DNAH1: variants seen among roughly 807,000 people sequenced by gnomAD.
DNAH1 encodes the protein dynein axonemal heavy chain 1, also known as axonemal beta dynein heavy chain 1.
A neutral mutation model predicts 484.3 loss-of-function variants in DNAH1; 327 were observed. That is an observed-to-expected ratio of 0.68 (90% CI 0.62 to 0.74). The LOEUF is 0.74. Among genes scored for constraint, DNAH1 ranks in the 30% least tolerant of loss-of-function variants. The pLI, the probability that DNAH1 is intolerant of heterozygous loss-of-function variation, is 0.00. For synonymous variants in DNAH1, 2,192 were observed against 2,191.9 expected (o/e 1.00, Z 0.00); for missense variants, 5,052 against 5,546.8 (o/e 0.91, Z 2.83).
At chr3:52,314,476 G>A (rs1212994361), upstream of DNAH1, among the ~76,000 whole-genome samples, 1 of 152,224 alleles carries the variant, frequency 6.6e-6, no homozygotes, top group African/African-American at 2.4e-5. Context: ...AACTGGGCTG[G>A]TGTCAACAGC....
intron 3 of DNAH1, among the ~76,000 whole-genome samples, chr3:52,325,405 A>C (rs1391169129): frequency 6.6e-6 from 1 of 152,142 alleles, no homozygotes; most frequent in Non-Finnish European, 1.5e-5. Context: ...GAGCCCACCC[A>C]GGCCCTGGGA....
At chr3:52,311,499 C>T (rs994820636), upstream of DNAH1, among the ~76,000 whole-genome samples, 4 of 152,120 alleles carry the variant, frequency 2.6e-5, no homozygotes, top group Non-Finnish European at 4.4e-5. Context: ...CAGTTCTGAG[C>T]ATGTGGCCAG....
chr3:52,368,123 C>T lies in DNAH1; in HGVS notation c.5766-618C>T, dbSNP rs980804382. 6.6e-6 allele frequency among the ~76,000 whole-genome samples: 1 copy of T among 152,146 alleles called. No homozygotes were observed. The highest frequency in any genetic ancestry group is 1.5e-5 in the Non-Finnish European group (1 of 68,034). On this transcript the variant is annotated intron_variant, in intron 36 of 77. Transcript: ENST00000420323. This position sits in a 1 kb window ranked among gnomAD's most constrained non-coding sequence, Gnocchi z 4.4. ...GATTCCAACTGAAGACAGGCCTCAG[C>T]GTAACCAGACATTGCCTGGGGGTGG... is the stretch of plus-strand genomic sequence containing the variant.
Position 52,383,878 on chromosome 3 carries a change from C to T in DNAH1, c.8169C>T (p.Phe2723=). 3.1e-6 allele frequency: 5 copies of T among 1,601,784 alleles called. No homozygotes were observed. Among genetic ancestry groups the T allele is most frequent in the Non-Finnish European group, 4.3e-6 (5 of 1,171,960 alleles). The part of the protein sequence containing the change: ...VLCMSPIGEV[F]RARLRQFPSL... Reference sequence around the variant, plus strand: ...TTTCCAGCCCCATCGGAGAGGTCTTCCGAGCTCGTCTGAGGCAGTTTCCCT... The same window carrying T: ...TTTCCAGCCCCATCGGAGAGGTCTTTCGAGCTCGTCTGAGGCAGTTTCCCT... The change falls in exon 52 of 78, where the codon TTC becomes TTT. Residue 2723 remains phenylalanine (F), a synonymous_variant. Coordinates refer to ENST00000420323, the MANE Select transcript of DNAH1 (RefSeq NM_015512.5).
chr3:52,397,946 T>A (rs934583956), intron 74 of DNAH1, 69 bp downstream of exon 74: 11 of 1,577,620 alleles, frequency 7.0e-6, no homozygotes, highest in Non-Finnish European at 9.5e-6. Flanking sequence ...CCCACTCCCC[T>A]GTGGGAAGGA....
In DNAH1 at chr3:52,394,603, G is replaced by A. The variant is rs200850423; in HGVS notation, c.10765G>A (p.Asp3589Asn). 7.6e-5 allele frequency: 122 copies of A among 1,605,248 alleles called. 1 individual carries two copies. The Admixed American group carries it at 1.8e-3, about 23-fold the overall frequency. ...GCCAACCTTTTCCTCCTTCTCTTCC[G>A]ACTTCGTGAAGCACCTCTCAGAATT... is the stretch of plus-strand genomic sequence containing the variant. ...NLPTFSSFSS[D>N]FVKHLSEFRV... is the part of the protein sequence containing the mutation. Residue 3589 changes from aspartate (D) to asparagine (N), a missense_variant, in exon 67 of 78, where the codon GAC becomes AAC. Transcript: ENST00000420323.
Position 52,360,050 on chromosome 3 carries a change from G to A in DNAH1, c.4542G>A (p.Val1514=). 3 of 1,613,920 alleles carry A rather than the reference G, an allele frequency of 1.9e-6. No individual in the cohort carries two copies. The highest frequency in any genetic ancestry group is 2.5e-6 in the Non-Finnish European group (3 of 1,179,894). ...TAATCCAGGAGAACGTGGTCAGCGTGAATGACTTCCAGTGGATCTCACAGC... is the reference window on the plus strand; with the variant it reads ...TAATCCAGGAGAACGTGGTCAGCGTAAATGACTTCCAGTGGATCTCACAGC... The part of the protein sequence containing the change: ...SKLIQENVVS[V]NDFQWISQLR... The change falls in exon 27 of 78, where the codon GTG becomes GTA. Residue 1514 remains valine (V), a synonymous_variant. Transcript: ENST00000420323.
chr3:52,394,826 TC>T, intron 67 of DNAH1, 88 bp from the exon 68 acceptor site: 1 of 1,537,800 alleles, frequency 6.5e-7, no homozygotes, highest in Non-Finnish European at 8.8e-7. Flanking sequence ...TAGCCCACTC[TC>T]CCCAGCTGTC....
chr3:52,349,769 T>C (rs1702294838), intron 14 of DNAH1, among the ~76,000 whole-genome samples: 1 of 152,130 alleles, frequency 6.6e-6, no homozygotes, highest in Non-Finnish European at 1.5e-5. Context: ...TGGAGGAGGC[T>C]GGAAGGGTGA....
rs1348733579 is a variant in DNAH1, at chr3:52,384,001, G to A, written c.8292G>A (p.Leu2764=). Residue 2764 remains leucine, a synonymous_variant, in exon 52 of 78, where the codon CTG becomes CTA. Coordinates refer to ENST00000420323, the MANE Select transcript of DNAH1 (RefSeq NM_015512.5). Reference sequence around the variant, plus strand: ...TGTTCCTCAATGAGATCCCAGAACTGGAATCCTCCCAGGAAGAAATCCAAG... The same window carrying A: ...TGTTCCTCAATGAGATCCCAGAACTAGAATCCTCCCAGGAAGAAATCCAAG... ...ATVFLNEIPE[L]ESSQEEIQGL... 1 of 1,609,542 alleles carries A rather than the reference G, an allele frequency of 6.2e-7. No homozygotes were observed. The highest frequency in any genetic ancestry group is 1.3e-5 in the African/African-American group (1 of 74,944).
In DNAH1 at chr3:52,326,838, C is replaced by G; in HGVS notation, c.685C>G (p.Gln229Glu). Residue 229 changes from glutamine to glutamate, a missense_variant, in exon 5 of 78, where the codon CAA becomes GAA. By Grantham distance (29) the Gln-to-Glu change is conservative. Transcript: ENST00000420323. ...CAGGCACCTGGACCACCAGCACCCC[C>G]AAACCATCGAACAGGGCCATGACCC... The part of the protein sequence containing the change: ...MPRHLDHQHP[Q>E]TIEQGHDPIF... The G allele has an allele frequency of 6.2e-7, 1 of 1,613,674 alleles. No homozygotes were observed. The highest frequency in any genetic ancestry group is 8.5e-7 in the Non-Finnish European group (1 of 1,179,750).
intron 1 of DNAH1, among the ~76,000 whole-genome samples, chr3:52,316,891 G>GCT (rs1700967898): frequency 6.6e-6 from 1 of 152,218 alleles, no homozygotes; most frequent in Admixed American, 6.5e-5. Context: ...TTTTGAGAAG[G>GCT]CTGTGGGCAG....
In DNAH1 at chr3:52,394,661, G is replaced by T; in HGVS notation, c.10823G>T (p.Arg3608Leu). 2 of 1,561,590 alleles carry T rather than the reference G, an allele frequency of 1.3e-6. No homozygotes were observed. Among genetic ancestry groups the T allele is most frequent in the Non-Finnish European group, 1.7e-6 (2 of 1,150,004 alleles). The stretch of plus-strand genomic sequence containing the variant: ...ATCTTCGACAGCCTTGAGCCCCACC[G>T]GTTAGCTGGGCCCCAGAATATGGCA... ...RVIFDSLEPH[R>L]EPLPGIWDQY... The change falls in exon 67 of 78, where the codon CGG (arginine) becomes CTG (leucine). Residue 3608 changes from arginine (R) to leucine (L), a missense_variant and splice_region_variant. By Grantham distance (102) the Arg-to-Leu change is moderately radical (BLOSUM62 -2). Around this residue, in one of 4 missense-constraint regions of DNAH1, gnomAD observed 853 missense variants for 899.0 expected, o/e 0.95. Transcript: ENST00000420323.
chr3:52,353,131 A>T lies in DNAH1; in HGVS notation c.3056A>T (p.Glu1019Val). ...GACAAGCTCTCCAGGATGGTGAAGG[A>T]GTTCCAACCCTACCTGGACCTTTGG... Reference protein sequence around the residue: ...NYDKLSRMVKEFQPYLDLWTT... With the variant: ...NYDKLSRMVKVFQPYLDLWTT... Residue 1019 changes from glutamate (E) to valine (V), a missense_variant, in exon 19 of 78, where the codon GAG becomes GTG. Transcript: ENST00000420323. This position sits in a 1 kb window ranked among gnomAD's most constrained non-coding sequence, Gnocchi z 5.0. 6.2e-7 allele frequency: 1 copy of T among 1,613,024 alleles called. No individual in the cohort carries two copies. Among genetic ancestry groups the T allele is most frequent in the Non-Finnish European group, 8.5e-7 (1 of 1,179,376 alleles).
intron 16 of DNAH1, among the ~76,000 whole-genome samples, chr3:52,351,747 G>GCAGCTCC (rs1286158904): frequency 6.6e-6 from 1 of 152,218 alleles, no homozygotes; most frequent in African/African-American, 2.4e-5. Flanking sequence ...CTCCCAGGGG[G>GCAGCTCC]CAGGGCAGCC....
At chr3:52,344,836 G>A (rs1221624368) in intron 9 of DNAH1, among the ~76,000 whole-genome samples, 189 bp downstream of exon 9, 3 of 152,266 alleles carry the variant, frequency 2.0e-5, no homozygotes, top group Non-Finnish European at 2.9e-5. Context: ...ACCAGGGGAA[G>A]GGAAGAAGGC....
chr3:52,400,460 G>A lies in DNAH1; in HGVS notation c.*14G>A, dbSNP rs1704867731. On this transcript the variant is annotated 3_prime_UTR_variant, in exon 78 of 78. Coordinates refer to ENST00000420323, the MANE Select transcript of DNAH1 (RefSeq NM_015512.5). Reference sequence around the variant, plus strand: ...CTGGACTACTAGACTCAGACAGAAGGGCTGGGGCCATTAAAGCTGAATTTT... The same window carrying A: ...CTGGACTACTAGACTCAGACAGAAGAGCTGGGGCCATTAAAGCTGAATTTT... 6.2e-7 allele frequency: 1 copy of A among 1,613,818 alleles called. No individual in the cohort carries two copies. The highest frequency in any genetic ancestry group is 1.3e-5 in the African/African-American group (1 of 74,932).
At position 52,374,463 on chromosome 3, in the gene DNAH1, G is replaced by A. The variant is rs1298109752; in HGVS notation, c.6986-777G>A. ...GCCAAAGACTCACAGTCCAAAAGAA[G>A]TAATGTTCTTAAACAAATTAGAAGC... is the stretch of plus-strand genomic sequence containing the variant. On this transcript the variant is annotated intron_variant, in intron 44 of 77. Coordinates refer to ENST00000420323, the MANE Select transcript of DNAH1 (RefSeq NM_015512.5). 4.4e-6 allele frequency: 6 copies of A among 1,366,820 alleles called. No individual in the cohort carries two copies. In the South Asian group the frequency reaches 4.7e-5, roughly 11 times the overall value. The allele number at this position is 1,366,820 out of a possible 1,614,324, so 84.7% of individuals were successfully genotyped here.
At position 52,369,923 on chromosome 3, in the gene DNAH1, G is replaced by A. The variant is rs2153224679; in HGVS notation, c.6042G>A (p.Gly2014=). Reference sequence around the variant, plus strand: ...TGTACCTGGAGCCCAGCATCCTGGGGCTCATGCCCTTCATCGAGTGCTGGC... The same window carrying A: ...TGTACCTGGAGCCCAGCATCCTGGGACTCATGCCCTTCATCGAGTGCTGGC... ...GMVYLEPSIL[G]LMPFIECWLR... is the part of the protein sequence containing the mutation. Residue 2014 remains glycine, a synonymous_variant, in exon 38 of 78, where the codon GGG becomes GGA. Transcript: ENST00000420323. 1.2e-6 allele frequency: 2 copies of A among 1,614,000 alleles called. No homozygotes were observed. Among genetic ancestry groups the A allele is most frequent in the East Asian group, 2.2e-5 (1 of 44,886 alleles).
Sources: allele counts gnomAD v4.1 joint callset (sites outside exome capture counted in the v4.1 genomes callset), GRCh38; gene constraint gnomAD v4.1.1; regional missense constraint gnomAD v4.1.1; non-coding constraint Gnocchi (gnomAD v3.1); transcripts MANE v1.5; gene names NCBI Gene and HGNC (gene_info 2026-07-23, HGNC 2026-07-21).